Variants in WDR62 observed in about 807,000 individuals in gnomAD.
The protein encoded by WDR62 is WD repeat domain 62.
A neutral mutation model predicts 160.6 loss-of-function variants in WDR62; 112 were observed. The observed-to-expected ratio is 0.70, with a 90% CI of 0.60 to 0.82. The LOEUF (loss-of-function observed/expected upper bound fraction) is 0.82. Among genes scored for constraint, WDR62 ranks in the 40% least tolerant of loss-of-function variants. The pLI, the probability that WDR62 is intolerant of heterozygous loss-of-function variation, is 0.00. For synonymous variants in WDR62, 792 were observed against 815.1 expected, an observed-to-expected ratio of 0.97 and a Z score of 0.48; for missense variants, 1,819 against 1,983.8, an observed-to-expected ratio of 0.92 and a Z score of 1.58.
chr19:36,081,722 C>A, intron 10 of WDR62, 152 bp downstream of exon 10: 1 of 927,404 alleles, frequency 1.1e-6, no homozygotes, highest in East Asian at 2.5e-5. Context: ...CTCTGCATCA[C>A]TGCCTCTTGT....
At chr19:36,102,323 C>A in intron 26 of WDR62, 172 bp downstream of exon 26, 2 of 930,686 alleles carry the variant, frequency 2.1e-6, no homozygotes, top group Non-Finnish European at 3.3e-6. Flanking sequence ...TGCGGTGGCC[C>A]AATCTTGGCT....
At chr19:36,059,233 G>A (rs555741164) in intron 2 of WDR62, among the ~76,000 whole-genome samples, 7 of 152,096 alleles carry the variant, frequency 4.6e-5, no homozygotes, top group Admixed American at 6.5e-5. Flanking sequence ...AAACAGAGCT[G>A]GTGACCCCCT....
At chr19:36,070,399 TC>T (rs1358903720) in intron 7 of WDR62, 3 of 152,194 alleles carry the variant, frequency 2.0e-5, no homozygotes, top group Non-Finnish European at 4.4e-5. Flanking sequence ...CCTTTAGTGA[TC>T]CATCCGTCTT....
chr19:36,064,254 G>C (rs989804529), intron 3 of WDR62, among the ~76,000 whole-genome samples: 21 of 152,128 alleles, frequency 1.4e-4, no homozygotes, highest in African/African-American at 5.1e-4. Context: ...CAGGGGCTGT[G>C]TCTCTGAACG....
intron 1 of WDR62, 24 bp downstream of exon 1, chr19:36,055,172 A>G (rs1187606177): frequency 6.3e-7 from 1 of 1,595,576 alleles, no homozygotes; most frequent in Non-Finnish European, 8.5e-7. Flanking sequence ...CGCCATGTCT[A>G]CCCCAGTTCC....
chr19:36,103,597 GA>G lies in WDR62; in HGVS notation c.3770del (p.Glu1257GlyfsTer41). ...CCTCCGTAGGCCATCGTCCGTTGGG[GA>G]GCTGGCCTCCTTGGGCCAGGAGCTT... ...QPLRRPSSVG[E>X]LASLGQELQA... On this transcript the variant is annotated frameshift_variant, in exon 30 of 32. Coordinates refer to ENST00000401500, the MANE Select transcript of WDR62 (RefSeq NM_001083961.2). LOFTEE classifies it high-confidence loss of function. 3.1e-6 allele frequency: 5 copies of G among 1,613,226 alleles called. No homozygotes were observed. Among genetic ancestry groups the G allele is most frequent in the Non-Finnish European group, 4.2e-6 (5 of 1,180,030 alleles).
intron 12 of WDR62, among the ~76,000 whole-genome samples, chr19:36,086,075 T>G (rs950403770): frequency 2.0e-5 from 3 of 151,982 alleles, no homozygotes; most frequent in Admixed American, 1.3e-4. Context: ...TATCCTGATG[T>G]GATTTTCCCC....
intron 9 of WDR62, among the ~76,000 whole-genome samples, chr19:36,077,122 C>T (rs1223892109): frequency 2.0e-5 from 3 of 152,134 alleles, no homozygotes; most frequent in Non-Finnish European, 4.4e-5. Context: ...ATTTTCATCA[C>T]CCACCCACCC....
chr19:36,109,058 C>T (rs1973759712), downstream of WDR62, among the ~76,000 whole-genome samples: 1 of 152,076 alleles, frequency 6.6e-6, no homozygotes, highest in Non-Finnish European at 1.5e-5. Flanking sequence ...CTGCAGAGAG[C>T]AAGCGGAAAT....
intron 10 of WDR62, among the ~76,000 whole-genome samples, chr19:36,082,390 A>G (rs1445395123): frequency 1.3e-5 from 2 of 152,168 alleles, no homozygotes; most frequent in African/African-American, 2.4e-5. Context: ...GAGAGGGTCT[A>G]TACTTAGGGA....
chr19:36,058,780 G>T lies in WDR62; in HGVS notation c.178G>T (p.Val60Leu), dbSNP rs779777395. The T allele has an allele frequency of 1.4e-5, 22 of 1,613,820 alleles. No individual in the cohort carries two copies. Among genetic ancestry groups the T allele is most frequent in the Non-Finnish European group, 1.6e-5 (19 of 1,179,900 alleles). Residue 60 changes from valine (V) to leucine (L), a missense_variant and splice_region_variant, in exon 2 of 32, where the codon GTG (valine) becomes TTG (leucine). Val to Leu is a conservative substitution (Grantham distance 32). This residue lies in a region of WDR62 where 115 missense variants were observed against 92.4 expected (regional missense o/e 1.24). Transcript: ENST00000401500. ...TASEETVQNR[V>L]SLEKVLGITA... ...TCTGACTTGGGCTTTTTCTTTGCAG[G>T]TGTCACTCGAGAAGGTGCTTGGCAT...
At chr19:36,072,513 G>C (rs1163301676) in intron 8 of WDR62, among the ~76,000 whole-genome samples, 1 of 152,150 alleles carries the variant, frequency 6.6e-6, no homozygotes, top group Non-Finnish European at 1.5e-5. Flanking sequence ...AGAGTGGATA[G>C]AAGCACTAGG....
chr19:36,081,291 T>C (rs1971880368), intron 9 of WDR62, 142 bp from the exon 10 acceptor site: 2 of 1,027,640 alleles, frequency 1.9e-6, no homozygotes, highest in Non-Finnish European at 1.5e-6. Context: ...GTCCTTTTTT[T>C]TTCTTGTTTA....
rs141344823 is a variant in WDR62, at chr19:36,102,018, C to T, written c.3087C>T (p.Cys1029=). 1.1e-4 allele frequency: 182 copies of T among 1,614,128 alleles called. No individual in the cohort carries two copies. In the Admixed American group the frequency reaches 1.6e-3, roughly 14 times the overall value. ...CCTCCCCTCCTTCCCTGTCAGGATG[C>T]GCAGGTCCCACAGAAGATGAGCTGT... ...FATSLPHFPG[C]AGPTEDELSL... Residue 1029 remains cysteine (C), a synonymous_variant, in exon 26 of 32, where the codon TGC becomes TGT. Coordinates refer to ENST00000401500, the MANE Select transcript of WDR62 (RefSeq NM_001083961.2).
intron 9 of WDR62, chr19:36,073,787 C>CGGGGAA (rs1037177107): frequency 5.6e-6 from 3 of 537,184 alleles, no homozygotes; most frequent in African/African-American, 3.8e-5. Context: ...AAAAATGAGG[C>CGGGGAA]GGGGAAGGGG....
chr19:36,110,043 A>T (rs1973781104), downstream of WDR62, among the ~76,000 whole-genome samples: 1 of 150,910 alleles, frequency 6.6e-6, no homozygotes, highest in South Asian at 2.1e-4. Flanking sequence ...GCAACGAGCA[A>T]AACTCCGCCT....
rs893353855 is a variant in WDR62, at chr19:36,073,299, C to T, written c.1044-43C>T. 1.9e-6 allele frequency: 3 copies of T among 1,559,198 alleles called. No individual in the cohort carries two copies. In the African/African-American group the frequency reaches 4.1e-5, roughly 21 times the overall value. On this transcript the variant is annotated intron_variant, in intron 8 of 31. Transcript: ENST00000401500. The stretch of plus-strand genomic sequence containing the variant: ...GTCACTAGAGGTGGCTGTCACTACT[C>T]AGTGACATTGATGGTGATTGATTAC...
intron 9 of WDR62, among the ~76,000 whole-genome samples, chr19:36,080,457 G>A (rs1019725161): frequency 2.8e-5 from 4 of 143,314 alleles, no homozygotes; most frequent in African/African-American, 5.2e-5. Context: ...ATGGAGTTTC[G>A]CTCTTGTTAC....
At chr19:36,095,596 C>G (rs1200797080) in intron 20 of WDR62, among the ~76,000 whole-genome samples, 1 of 152,234 alleles carries the variant, frequency 6.6e-6, no homozygotes, top group Non-Finnish European at 1.5e-5. Context: ...GAGTTCGAGA[C>G]CAGCCTGGCC....
Sources: allele counts gnomAD v4.1 joint callset (sites outside exome capture counted in the v4.1 genomes callset), GRCh38; gene constraint gnomAD v4.1.1; regional missense constraint gnomAD v4.1.1; transcripts MANE v1.5; gene names NCBI Gene and HGNC (gene_info 2026-07-23, HGNC 2026-07-21).